PLEKHA6: variants seen among roughly 807,000 people sequenced by gnomAD.
PLEKHA6 encodes pleckstrin homology domain-containing family A member 6.
A neutral mutation model predicts 116.7 loss-of-function variants in PLEKHA6; 60 were observed. That is an observed-to-expected ratio of 0.51 (90% confidence interval 0.42 to 0.64). The LOEUF (loss-of-function observed/expected upper bound fraction) is 0.64. Among genes scored for constraint, PLEKHA6 ranks in the 30% least tolerant of loss-of-function variants. The pLI is 0.00. For missense variants in PLEKHA6, 1,338 were observed against 1,422.7 expected (o/e 0.94, Z 0.96); for synonymous variants, 489 against 556.1 (o/e 0.88, Z 1.70).
At chr1:204,275,327 T>C (rs1308518254) in intron 1 of PLEKHA6, among the ~76,000 whole-genome samples, 1 of 152,216 alleles carries the variant, frequency 6.6e-6, no homozygotes, top group Non-Finnish European at 1.5e-5. Flanking sequence ...ATTCCATTCT[T>C]GAGCTTGGGC....
Position 204,273,676 on chromosome 1 carries a change from G to C in PLEKHA6, c.52C>G (p.Pro18Ala). Residue 18 changes from proline to alanine, a missense_variant, in exon 3 of 23, where the codon CCC becomes GCC. This residue lies in a region of PLEKHA6 where 62 missense variants were observed against 61.7 expected (regional missense o/e 1.01). Transcript: ENST00000272203. ...ACCTCGGACACCATGTTGTGGTTGG[G>C]TATGTCACTGTTGGTGGTAGCCGGG... ...KRPATTNSDI[P>A]NHNMVSEVPP... is the part of the protein sequence containing the mutation. 6.2e-7 allele frequency: 1 copy of C among 1,614,154 alleles called. No individual in the cohort carries two copies. Among genetic ancestry groups the C allele is most frequent in the Non-Finnish European group, 8.5e-7 (1 of 1,180,012 alleles).
chr1:204,334,010 C>T (rs1176209550), intron 1 of PLEKHA6, among the ~76,000 whole-genome samples: 1 of 152,138 alleles, frequency 6.6e-6, no homozygotes, highest in African/African-American at 2.4e-5. Context: ...ACTATTTGTC[C>T]CCAGGTCTTG....
At chr1:204,255,791 AG>A in intron 9 of PLEKHA6, 1 of 665,798 alleles carries the variant, frequency 1.5e-6, no homozygotes, top group Non-Finnish European at 2.7e-6. Flanking sequence ...GACAAGGACA[AG>A]GAGAGGCTTC....
At chr1:204,344,123 G>A (rs909561396) in intron 1 of PLEKHA6, among the ~76,000 whole-genome samples, 1 of 151,986 alleles carries the variant, frequency 6.6e-6, no homozygotes, top group African/African-American at 2.4e-5. Context: ...ACCCTATCTC[G>A]AAAAAATAAA....
intron 1 of PLEKHA6, among the ~76,000 whole-genome samples, chr1:204,315,924 A>C (rs6594003): frequency 0.98 from 149,292 of 152,282 alleles, 73,179 homozygotes; most frequent in East Asian, 1. Context: ...TGGACTAGGT[A>C]AAGGTTCGTG....
Position 204,220,973 on chromosome 1 carries a change from T to C in PLEKHA6, c.*1815A>G, listed in dbSNP as rs1009007172. 6.7e-6 allele frequency: 1 copy of C among 150,062 alleles called. No homozygotes were observed. The highest frequency in any genetic ancestry group is 2.4e-5 in the African/African-American group (1 of 40,858). The allele number at this position is 150,062 out of a possible 1,614,324, so 9.3% of individuals were successfully genotyped here. The stretch of plus-strand genomic sequence containing the variant: ...CTGTTTCCTGTGGAGGGAGAAAGGC[T>C]TGGGAGAAAGAGAGAGAGAGGAAAT... On this transcript the variant is annotated 3_prime_UTR_variant, in exon 23 of 23. Coordinates refer to ENST00000272203, the MANE Select transcript of PLEKHA6 (RefSeq NM_014935.5).
rs1347812591 is a variant in PLEKHA6, at chr1:204,247,359, C to T, written c.1920+6G>A. Reference sequence around the variant, plus strand: ...AATCCCCGCCAGCTCAGGGGCCCTTCTTCACCTGGGTGTCCAAATTGAGCT... The same window carrying T: ...AATCCCCGCCAGCTCAGGGGCCCTTTTTCACCTGGGTGTCCAAATTGAGCT... On this transcript the variant is annotated splice_donor_region_variant and intron_variant, in intron 13 of 22. Coordinates refer to ENST00000272203, the MANE Select transcript of PLEKHA6 (RefSeq NM_014935.5). The T allele has an allele frequency of 1.3e-6, 2 of 1,595,412 alleles. No homozygotes were observed. The highest frequency in any genetic ancestry group is 1.7e-6 in the Non-Finnish European group (2 of 1,163,354).
chr1:204,251,474 T>C, intron 9 of PLEKHA6: 1 of 695,248 alleles, frequency 1.4e-6, no homozygotes, highest in East Asian at 2.7e-5. Flanking sequence ...AACTCGACCA[T>C]GCACAAGCAG....
intron 1 of PLEKHA6, chr1:204,359,485 T>C (rs1331613184): frequency 3.0e-6 from 1 of 335,018 alleles, no homozygotes; most frequent in East Asian, 1.7e-4. Flanking sequence ...ACTCTGGAGG[T>C]GGGGGTGGGG....
rs919535232 is a variant in PLEKHA6, at chr1:204,223,400, A to T, written c.*8+62T>A. 1.2e-6 allele frequency: 1 copy of T among 825,942 alleles called. No individual in the cohort carries two copies. The highest frequency in any genetic ancestry group is 1.7e-5 in the African/African-American group (1 of 59,108). The allele number at this position is 825,942 out of a possible 1,614,324, so 51.2% of individuals were successfully genotyped here. A position where few individuals can be genotyped will look rare whatever the true frequency, so the allele number is the denominator to read the frequency against. On this transcript the variant is annotated intron_variant, in intron 22 of 22. Coordinates refer to ENST00000272203, the MANE Select transcript of PLEKHA6 (RefSeq NM_014935.5). The surrounding 1 kb of genome is among the most constrained non-coding windows in gnomAD (Gnocchi z 4.8). ...AAAATGAGAGGGCATAGATGGCTCA[A>T]TGGGGGTGAAGGAAGGGGCCCCACT... is the stretch of plus-strand genomic sequence containing the variant.
chr1:204,273,761 GA>G (rs1404381234), intron 2 of PLEKHA6, 21 bp from the exon 3 acceptor site: 1 of 1,526,706 alleles, frequency 6.6e-7, no homozygotes, highest in Non-Finnish European at 9.1e-7. Context: ...GTCGACCAGA[GA>G]AAAGAGATTG....
chr1:204,333,237 T>G (rs566192132), intron 1 of PLEKHA6, among the ~76,000 whole-genome samples: 2 of 152,210 alleles, frequency 1.3e-5, no homozygotes, highest in East Asian at 3.9e-4. Context: ...GGCCCTGGCA[T>G]TTGTGTTTGT....
chr1:204,306,319 C>T (rs2103118138), intron 1 of PLEKHA6, among the ~76,000 whole-genome samples: 1 of 152,322 alleles, frequency 6.6e-6, no homozygotes, highest in Middle Eastern at 3.4e-3. Flanking sequence ...CTGTACAAGG[C>T]AGTTCTCTGA....
rs568542213 is a variant in PLEKHA6 at position 204,234,042 on chromosome 1, C to T, written c.2410-3456G>A. On this transcript the variant is annotated intron_variant, in intron 17 of 22. Coordinates refer to ENST00000272203, the MANE Select transcript of PLEKHA6 (RefSeq NM_014935.5). Reference sequence around the variant, plus strand: ...CAAAAAGAGATGTCCAAGTCCTAGCCCCCAATACCTGTGACTGTAAACTTA... The same window carrying T: ...CAAAAAGAGATGTCCAAGTCCTAGCTCCCAATACCTGTGACTGTAAACTTA... Among the ~76,000 whole-genome samples, 4 of 152,202 alleles carry T rather than the reference C, an allele frequency of 2.6e-5. No homozygotes were observed. The South Asian group carries it at 8.3e-4, about 32-fold the overall frequency.
In PLEKHA6 at chr1:204,355,998, C is replaced by CAA. The variant is rs1235802734; in HGVS notation, c.-95+3695_-95+3696insTT. Among the ~76,000 whole-genome samples the CAA allele has an allele frequency of 2.2e-3, 63 of 28,310 alleles. 1 individual carries two copies. The highest frequency in any genetic ancestry group is 3.0e-3 in the African/African-American group (41 of 13,584). 18.6% of individuals were successfully genotyped at this position (28,310 alleles called of 152,430 possible). A position where few individuals can be genotyped will look rare whatever the true frequency, so the allele number is the denominator to read the frequency against. ...GCACACACACACACACACACACACA[C>CAA]ACAAAAAAAATCCATTCTCAGACAC... On this transcript the variant is annotated intron_variant, in intron 1 of 22. Transcript: ENST00000272203.
At chr1:204,297,822 C>A (rs1195296742) in intron 1 of PLEKHA6, 2 of 882,524 alleles carry the variant, frequency 2.3e-6, no homozygotes, top group Non-Finnish European at 2.7e-6. Context: ...ATCAGAGATC[C>A]AAAAGGATTT....
intron 10 of PLEKHA6, 30 bp downstream of exon 10, chr1:204,250,516 G>C (rs367715021): frequency 1.3e-6 from 2 of 1,531,066 alleles, no homozygotes; most frequent in Non-Finnish European, 1.8e-6. Flanking sequence ...GGCTGGAGTG[G>C]AGGGAGGGAG....
intron 17 of PLEKHA6, among the ~76,000 whole-genome samples, chr1:204,235,616 T>C (rs4269820): frequency 0.51 from 78,020 of 151,502 alleles, 20,673 homozygotes; most frequent in African/African-American, 0.66. Flanking sequence ...CAGGCGTCTA[T>C]TGTTAAAGTG....
At position 204,238,185 on chromosome 1, in the gene PLEKHA6, GA is replaced by G. The variant is rs1662326096; in HGVS notation, c.2409+3189del. ...CAATTTTGAGTGGGGTCCAGAATGG[GA>G]AAAGGCTCTGCAACAGGTCCAGGCT... On this transcript the variant is annotated intron_variant, in intron 17 of 22. Coordinates refer to ENST00000272203, the MANE Select transcript of PLEKHA6 (RefSeq NM_014935.5). This position sits in a 1 kb window ranked among gnomAD's most constrained non-coding sequence, Gnocchi z 4.2. Among the ~76,000 whole-genome samples the G allele has an allele frequency of 1.3e-5, 2 of 152,186 alleles. No homozygotes were observed. The highest frequency in any genetic ancestry group is 2.4e-5 in the African/African-American group (1 of 41,448).
Sources: allele counts gnomAD v4.1 joint callset (sites outside exome capture counted in the v4.1 genomes callset), GRCh38; gene constraint gnomAD v4.1.1; regional missense constraint gnomAD v4.1.1; non-coding constraint Gnocchi (gnomAD v3.1); transcripts MANE v1.5; gene names NCBI Gene and HGNC (gene_info 2026-07-23, HGNC 2026-07-21).